Variants in DCC observed in about 807,000 individuals in gnomAD.
The protein encoded by DCC is DCC netrin 1 receptor, also known as netrin receptor DCC.
DCC carries 58 observed loss-of-function variants against 172.5 expected under a neutral mutation model. That is an observed-to-expected ratio of 0.34 (90% CI 0.27 to 0.42). DCC has a LOEUF of 0.42. Ranked by LOEUF, DCC falls within the 10% of genes least tolerant of loss-of-function variation. The probability of loss-of-function intolerance (pLI) is 1.00; values close to 1 mark genes in which losing one functional copy is unlikely to be tolerated. For missense variants in DCC, 1,740 were observed against 1,791.0 expected, an observed-to-expected ratio of 0.97 and a Z score of 0.51; for synonymous variants, 709 against 644.5, an observed-to-expected ratio of 1.10 and a Z score of -1.52.
chr18:53,282,832 A>G (rs1328772791), intron 12 of DCC, among the ~76,000 whole-genome samples: 1 of 152,166 alleles, frequency 6.6e-6, no homozygotes, highest in Non-Finnish European at 1.5e-5. Flanking sequence ...ACTTCTAATT[A>G]AATGAATGCC....
At chr18:53,133,367 T>C (rs1446122064) in intron 7 of DCC, among the ~76,000 whole-genome samples, 2 of 152,120 alleles carry the variant, frequency 1.3e-5, no homozygotes, top group African/African-American at 2.4e-5. Context: ...AAAATCCAAG[T>C]ACTGTTTTAG....
chr18:52,789,562 G>C (rs371854224), intron 2 of DCC, among the ~76,000 whole-genome samples: 153 of 152,172 alleles, frequency 1.0e-3, no homozygotes, highest in African/African-American at 3.7e-3. Context: ...ACGCTAAGCA[G>C]TTAAGATTTT....
intron 2 of DCC, among the ~76,000 whole-genome samples, chr18:52,825,671 T>C (rs1456356815): frequency 7.1e-6 from 1 of 141,836 alleles, no homozygotes; most frequent in Non-Finnish European, 1.5e-5. Context: ...AATATGATCA[T>C]AATTGTTTTG....
chr18:52,610,180 TATATA>T lies in DCC; in HGVS notation c.92-141873_92-141869del, dbSNP rs1944319745. Among the ~76,000 whole-genome samples the T allele has an allele frequency of 4.7e-4, 4 of 8,526 alleles. 1 individual carries two copies. The allele number at this position is 8,526 out of a possible 152,430, so 5.6% of individuals were successfully genotyped here. The stretch of plus-strand genomic sequence containing the variant: ...AAAAAAAAAAAAAAAAAAAAAAAAA[TATATA>T]TATATATATATATATATATATATAT... On this transcript the variant is annotated intron_variant, in intron 1 of 28. Transcript: ENST00000442544.
intron 2 of DCC, among the ~76,000 whole-genome samples, chr18:52,776,602 A>T (rs966316218): frequency 6.6e-6 from 1 of 152,148 alleles, no homozygotes; most frequent in Admixed American, 6.5e-5. Context: ...AGGGTCTACC[A>T]AGTGCTGAGC....
chr18:52,941,964 G>A (rs2040470989), intron 5 of DCC, among the ~76,000 whole-genome samples: 1 of 151,978 alleles, frequency 6.6e-6, no homozygotes, highest in South Asian at 2.1e-4. Flanking sequence ...TGTATTTTTA[G>A]TAGAGACAAG....
At chr18:53,344,996 A>G (rs1031270338) in intron 15 of DCC, among the ~76,000 whole-genome samples, 1 of 151,820 alleles carries the variant, frequency 6.6e-6, no homozygotes, top group African/African-American at 2.4e-5. Flanking sequence ...CAGACCATAT[A>G]ATAGTCTCTG....
At chr18:53,476,604 CTTAT>C (rs1353928773) in intron 25 of DCC, among the ~76,000 whole-genome samples, 9 of 152,092 alleles carry the variant, frequency 5.9e-5, no homozygotes, top group East Asian at 5.8e-4. Context: ...CAGTAAACCT[CTTAT>C]TTATTTATTT....
At chr18:53,232,384 C>T (rs1373175573) in intron 12 of DCC, among the ~76,000 whole-genome samples, 1 of 152,166 alleles carries the variant, frequency 6.6e-6, no homozygotes, top group African/African-American at 2.4e-5. Context: ...AGATGTGCTA[C>T]AATCACATTG....
At chr18:52,811,393 TC>T (rs2038196164) in intron 2 of DCC, among the ~76,000 whole-genome samples, 3 of 152,248 alleles carry the variant, frequency 2.0e-5, no homozygotes, top group Admixed American at 1.3e-4. Flanking sequence ...AAATGTGCTT[TC>T]ATCCAGTGAT....
chr18:53,386,228 A>G (rs1908159056), intron 16 of DCC, 90 bp downstream of exon 16: 1 of 819,804 alleles, frequency 1.2e-6, no homozygotes, highest in South Asian at 1.4e-5. Flanking sequence ...AGAAACAAAA[A>G]TGAATATATC....
chr18:52,967,175 C>T (rs2040947448), intron 5 of DCC, among the ~76,000 whole-genome samples: 1 of 152,162 alleles, frequency 6.6e-6, no homozygotes, highest in African/African-American at 2.4e-5. Context: ...GGATAAAAAA[C>T]CACACAATTT....
chr18:53,248,682 GC>G (rs2056394275), intron 12 of DCC, among the ~76,000 whole-genome samples: 1 of 151,960 alleles, frequency 6.6e-6, no homozygotes, highest in African/African-American at 2.4e-5. Flanking sequence ...GTTTTTTAAT[GC>G]CAGTTTCAAT....
At chr18:53,134,389 C>G (rs1306765119) in intron 7 of DCC, among the ~76,000 whole-genome samples, 1 of 151,880 alleles carries the variant, frequency 6.6e-6, no homozygotes, top group East Asian at 1.9e-4. Context: ...GGTTTTGGAC[C>G]CTGCCTGCTT....
intron 2 of DCC, among the ~76,000 whole-genome samples, chr18:52,829,725 C>G (rs186130822): frequency 7.4e-4 from 113 of 152,024 alleles, no homozygotes; most frequent in Middle Eastern, 3.4e-3. Context: ...TGAGTGTATA[C>G]TTTTTGCCAG....
intron 1 of DCC, among the ~76,000 whole-genome samples, chr18:52,563,426 A>G (rs1421654671): frequency 6.6e-6 from 1 of 152,144 alleles, no homozygotes; most frequent in African/African-American, 2.4e-5. Context: ...GTTTCATTCA[A>G]ATCTGAAGGA....
intron 5 of DCC, among the ~76,000 whole-genome samples, chr18:53,040,045 A>G (rs1248988206): frequency 6.6e-6 from 1 of 151,954 alleles, no homozygotes; most frequent in Non-Finnish European, 1.5e-5. Flanking sequence ...AGCAAAATAA[A>G]TAGGTATTAC....
chr18:52,545,645 A>G (rs2032590830), intron 1 of DCC, among the ~76,000 whole-genome samples: 1 of 152,154 alleles, frequency 6.6e-6, no homozygotes, highest in South Asian at 2.1e-4. Flanking sequence ...CCAGGAGATT[A>G]TCATAGGTTA....
intron 1 of DCC, among the ~76,000 whole-genome samples, chr18:52,581,620 C>G (rs1180845126): frequency 1.1e-4 from 16 of 151,918 alleles, no homozygotes; most frequent in Non-Finnish European, 1.9e-4. Context: ...TTCTTTTTTG[C>G]CTCTTTCTTA....
Sources: gnomAD v4.1 joint callset for allele counts (sites outside exome capture counted in the v4.1 genomes callset) on GRCh38, gnomAD v4.1.1 for gene constraint, MANE v1.5 for transcripts, NCBI Gene and HGNC (gene_info 2026-07-23, HGNC 2026-07-21) for gene names.